The following CIITA variants were observed in gnomAD, a reference collection of about 807,000 sequenced individuals.
CIITA encodes class II major histocompatibility complex transactivator.
A neutral mutation model predicts 115.1 loss-of-function variants in CIITA; 72 were observed. The observed-to-expected ratio is 0.63, with a 90% confidence interval of 0.52 to 0.76. CIITA has a LOEUF of 0.76. Ranked by LOEUF, CIITA falls within the 30% of genes least tolerant of loss-of-function variation. The probability of loss-of-function intolerance (pLI) is 0.00; values close to 1 mark genes in which losing one functional copy is unlikely to be tolerated. For missense variants in CIITA, 1,617 were observed against 1,463.8 expected (o/e 1.10, Z -1.71); for synonymous variants, 763 against 635.6 (o/e 1.20, Z -3.02).
upstream of CIITA, among the ~76,000 whole-genome samples, chr16:10,876,175 C>CA (rs923361235): frequency 4.6e-5 from 7 of 151,342 alleles, no homozygotes; most frequent in Non-Finnish European, 1.0e-4. Context: ...CAAAAACAAA[C>CA]AAAAAAAACC....
chr16:10,899,115 G>A (rs1350366553), intron 5 of CIITA, 113 bp downstream of exon 5: 3 of 1,017,172 alleles, frequency 2.9e-6, no homozygotes, highest in Non-Finnish European at 4.6e-6. Context: ...CTGTCTGGTT[G>A]GGAGGCCCTT....
At chr16:10,911,201 TCTTTC>T (rs2144833821) in intron 13 of CIITA, among the ~76,000 whole-genome samples, 1 of 102,052 alleles carries the variant, frequency 9.8e-6, no homozygotes, top group Admixed American at 8.1e-5. Context: ...TTTCTTTCTT[TCTTTC>T]CTTTCTTCTC....
At chr16:10,875,694 C>T (rs1016880432), upstream of CIITA, among the ~76,000 whole-genome samples, 1 of 152,004 alleles carries the variant, frequency 6.6e-6, no homozygotes, top group Non-Finnish European at 1.5e-5. Flanking sequence ...TTAGGAGAGG[C>T]AGGATCTCAC....
chr16:10,941,415 A>T lies in CIITA; in HGVS notation n.541A>T. Reference sequence around the variant, plus strand: ...CTTTCCAGCCCAAACGAAGGGCTTAAGAGGAGTCTGGCCATTCCTGGCATC... The same window carrying T: ...CTTTCCAGCCCAAACGAAGGGCTTATGAGGAGTCTGGCCATTCCTGGCATC... On this transcript the variant is annotated non_coding_transcript_exon_variant, in exon 2 of 2. Transcript: ENST00000573379. The surrounding 1 kb of genome is among the most constrained non-coding windows in gnomAD (Gnocchi z 6.4). 1.5e-6 allele frequency: 1 copy of T among 656,846 alleles called. No individual in the cohort carries two copies. Among genetic ancestry groups the T allele is most frequent in the Non-Finnish European group, 2.1e-6 (1 of 476,914 alleles). The allele number at this position is 656,846 out of a possible 1,614,324, so 40.7% of individuals were successfully genotyped here.
chr16:10,913,288 T>TTTCG (rs1001069772), intron 13 of CIITA: 5 of 134,892 alleles, frequency 3.7e-5, no homozygotes, highest in African/African-American at 1.4e-4. Flanking sequence ...TCTTTCTTTC[T>TTTCG]TTCCCTTTCT....
At chr16:10,889,510 T>C (rs532800543) in intron 1 of CIITA, among the ~76,000 whole-genome samples, 1 of 151,088 alleles carries the variant, frequency 6.6e-6, no homozygotes, top group African/African-American at 2.5e-5. Context: ...GACAATCTTT[T>C]TTGTTTTTTG....
chr16:10,871,757 C>T (rs1303076502), intron 1 of CIITA, among the ~76,000 whole-genome samples: 1 of 152,186 alleles, frequency 6.6e-6, no homozygotes, highest in Non-Finnish European at 1.5e-5. Flanking sequence ...GTCTCCTTTG[C>T]CTCAGGGAGG....
intron 1 of CIITA, among the ~76,000 whole-genome samples, chr16:10,885,028 C>T (rs73499473): frequency 0.55 from 83,551 of 151,902 alleles, 26,379 homozygotes; most frequent in Middle Eastern, 0.72. Context: ...ACCAAAGGGG[C>T]CATAATGATG....
chr16:10,906,907 T>C lies in CIITA; in HGVS notation c.1415T>C (p.Leu472Pro), dbSNP rs558062349. The C allele has an allele frequency of 5.0e-6, 8 of 1,613,518 alleles. No individual in the cohort carries two copies. In the East Asian group the frequency reaches 1.1e-4, roughly 22 times the overall value. ...GGCCTGCAGGATCTGCTCTTCTCCC[T>C]GGGCCCACAGCCACTCGTGGCGGCC... is the stretch of plus-strand genomic sequence containing the variant. ...AYGLQDLLFSLGPQPLVAADE... is the reference protein window; with the variant it reads ...AYGLQDLLFSPGPQPLVAADE... Residue 472 changes from leucine to proline, a missense_variant, in exon 11 of 20, where the codon CTG becomes CCG. Transcript: ENST00000324288.
At chr16:10,876,610 T>C (rs569788619), upstream of CIITA, among the ~76,000 whole-genome samples, 103 of 152,362 alleles carry the variant, frequency 6.8e-4, no homozygotes, top group African/African-American at 2.3e-3. Context: ...GTCAGTATTA[T>C]TTAGCATCAC....
chr16:10,915,396 A>G (rs7500886), intron 13 of CIITA, among the ~76,000 whole-genome samples, 174 bp from the exon 14 acceptor site: 90,575 of 151,706 alleles, frequency 0.6, 27,233 homozygotes, highest in African/African-American at 0.66. Context: ...CCAAGCAGAA[A>G]AGATTGGGGT....
rs1441003065 is a variant in CIITA, at chr16:10,920,080, A to G, written c.3149+1554A>G. ...GGGCCACTGTGGCTGTGTGTAGTGA[A>G]TGAGGGACAGAGGCTGGGCAATGGT... is the stretch of plus-strand genomic sequence containing the variant. On this transcript the variant is annotated intron_variant, in intron 16 of 19. Coordinates refer to ENST00000324288, the MANE Select transcript of CIITA (RefSeq NM_000246.4). The surrounding 1 kb of genome is among the most constrained non-coding windows in gnomAD (Gnocchi z 4.5). 6.6e-6 allele frequency among the ~76,000 whole-genome samples: 1 copy of G among 152,088 alleles called. No homozygotes were observed. The highest frequency in any genetic ancestry group is 1.5e-5 in the Non-Finnish European group (1 of 68,008).
rs1160468680 is a variant in CIITA, at chr16:10,879,648, T to TC, written c.52+2272dup. 6.6e-6 allele frequency among the ~76,000 whole-genome samples: 1 copy of TC among 151,786 alleles called. No homozygotes were observed. ...GTTGTTGGGAGGGGTGGGGGAGGGATCCCCCCGGACTGAACCGATCTCTTG... is the reference window on the plus strand; with the variant it reads ...GTTGTTGGGAGGGGTGGGGGAGGGATCCCCCCCGGACTGAACCGATCTCTTG... On this transcript the variant is annotated intron_variant, in intron 1 of 19. Coordinates refer to ENST00000324288, the MANE Select transcript of CIITA (RefSeq NM_000246.4). The surrounding 1 kb of genome is among the most constrained non-coding windows in gnomAD (Gnocchi z 4.3).
rs1439925114 is a variant in CIITA at position 10,931,306 on chromosome 16, CA to C, written c.*7459del. On this transcript the variant is annotated 3_prime_UTR_variant, in exon 20 of 20. Transcript: ENST00000324288. ...AGCCTGGGTGACAGAGACCCTGTCT[CA>C]AAAAAAAGAGAAGATGGAATCACTC... 3.9e-5 allele frequency: 6 copies of C among 152,392 alleles called. No individual in the cohort carries two copies. The highest frequency in any genetic ancestry group is 3.3e-3 in the Middle Eastern group (1 of 306). The allele number at this position is 152,392 out of a possible 1,614,324, so 9.4% of individuals were successfully genotyped here. A position where few individuals can be genotyped will look rare whatever the true frequency, so the allele number is the denominator to read the frequency against.
intron 13 of CIITA, among the ~76,000 whole-genome samples, chr16:10,911,114 G>A (rs1333092896): frequency 6.6e-6 from 1 of 152,188 alleles, no homozygotes; most frequent in Non-Finnish European, 1.5e-5. Context: ...CTGGGTCACT[G>A]AGGAGGGGCA....
At chr16:10,902,317 C>T (rs570751027) in intron 7 of CIITA, 133 bp downstream of exon 7, 2 of 1,338,026 alleles carry the variant, frequency 1.5e-6, no homozygotes, top group South Asian at 2.6e-5. Context: ...TCACCTCTGC[C>T]CCAGCCAGTT....
chr16:10,900,768 C>G (rs1596525433), intron 5 of CIITA, among the ~76,000 whole-genome samples: 1 of 151,724 alleles, frequency 6.6e-6, no homozygotes, highest in South Asian at 2.1e-4. Flanking sequence ...TTTCAAGATA[C>G]AATAAAAGTG....
At position 10,925,799 on chromosome 16, in the gene CIITA, A is replaced by C. The variant is rs1207382117; in HGVS notation, c.*1944A>C. 5 of 152,224 alleles carry C rather than the reference A, an allele frequency of 3.3e-5. No individual in the cohort carries two copies. Among genetic ancestry groups the C allele is most frequent in the Non-Finnish European group, 7.3e-5 (5 of 68,044 alleles). 9.4% of individuals were successfully genotyped at this position (152,224 alleles called of 1,614,324 possible). ...GGACTTTTCTTTGTGGCTTCCTAAAATTCAGTGGAAAATTAATTGTTTGGG... is the reference window on the plus strand; with the variant it reads ...GGACTTTTCTTTGTGGCTTCCTAAACTTCAGTGGAAAATTAATTGTTTGGG... On this transcript the variant is annotated 3_prime_UTR_variant, in exon 20 of 20. Coordinates refer to ENST00000324288, the MANE Select transcript of CIITA (RefSeq NM_000246.4).
chr16:10,873,705 C>T (rs2035635460), upstream of CIITA, among the ~76,000 whole-genome samples: 2 of 152,114 alleles, frequency 1.3e-5, no homozygotes, highest in South Asian at 4.1e-4. Context: ...CTAGTTACTC[C>T]CCATCTCTCC....
Sources: gnomAD v4.1 joint callset for allele counts (sites outside exome capture counted in the v4.1 genomes callset) on GRCh38, gnomAD v4.1.1 for gene constraint, Gnocchi (gnomAD v3.1) non-coding constraint, MANE v1.5 for transcripts, NCBI Gene and HGNC (gene_info 2026-07-23, HGNC 2026-07-21) for gene names.